The following ZNF257 variants were observed in gnomAD, a reference collection of about 807,000 sequenced individuals.
ZNF257 encodes the protein zinc finger protein 257, also known as bone marrow zinc finger 4.
A neutral mutation model predicts 11.9 loss-of-function variants in ZNF257; 12 were observed. The ratio of observed to expected loss-of-function variants is 1.01; its 90% CI spans 0.65 to 1.63. The LOEUF is 1.63. ZNF257 is among the 40% of genes most tolerant of loss of function. The pLI, the probability that ZNF257 is intolerant of heterozygous loss-of-function variation, is 0.00. For missense variants in ZNF257, 580 were observed against 665.5 expected, an observed-to-expected ratio of 0.87 and a Z score of 1.41; for synonymous variants, 183 against 222.7, an observed-to-expected ratio of 0.82 and a Z score of 1.59.
At chr19:22,064,287 A>G (rs2021885314) in intron 1 of ZNF257, 1 of 152,210 alleles carries the variant, frequency 6.6e-6, no homozygotes, top group Non-Finnish European at 1.5e-5. Context: ...TGATATGTAC[A>G]TTTATCTTTG....
At chr19:22,072,469 A>T (rs959372703) in intron 1 of ZNF257, among the ~76,000 whole-genome samples, 2 of 151,806 alleles carry the variant, frequency 1.3e-5, no homozygotes, top group Non-Finnish European at 2.9e-5. Flanking sequence ...TTACTGGTGA[A>T]CTTGTTAGAA....
intron 1 of ZNF257, among the ~76,000 whole-genome samples, chr19:22,053,781 G>A (rs927857532): frequency 2.0e-5 from 3 of 151,786 alleles, no homozygotes; most frequent in Admixed American, 6.6e-5. Context: ...CAAAATTAGC[G>A]GGGCGTGGTA....
At chr19:22,062,193 T>C (rs997836691) in intron 1 of ZNF257, among the ~76,000 whole-genome samples, 57 of 150,272 alleles carry the variant, frequency 3.8e-4, no homozygotes, top group Non-Finnish European at 6.5e-4. Flanking sequence ...CCTGAGTAGC[T>C]AGGATTGCAG....
At chr19:22,062,049 T>A (rs1330882806) in intron 1 of ZNF257, among the ~76,000 whole-genome samples, 1 of 144,996 alleles carries the variant, frequency 6.9e-6, no homozygotes, top group Non-Finnish European at 1.5e-5. Flanking sequence ...GATTACACAG[T>A]ATTTTGCTGA....
In ZNF257 at chr19:22,088,471, T is replaced by G; in HGVS notation, c.721T>G (p.Ser241Ala). Residue 241 changes from serine (S) to alanine (A), a missense_variant, in exon 4 of 4, where the codon TCT becomes GCT. Coordinates refer to ENST00000594947, the MANE Select transcript of ZNF257 (RefSeq NM_033468.4). ...AGAGTGTGGAAAAGCTTTTAACCGG[T>G]CTTCACACCTTACTCAACATAAGGT... ...CEECGKAFNRSSHLTQHKVIH... is the reference protein window; with the variant it reads ...CEECGKAFNRASHLTQHKVIH... The G allele has an allele frequency of 6.2e-7, 1 of 1,611,830 alleles. No individual in the cohort carries two copies. Among genetic ancestry groups the G allele is most frequent in the Non-Finnish European group, 8.5e-7 (1 of 1,179,118 alleles).
chr19:22,061,300 G>C (rs952457933), intron 1 of ZNF257, among the ~76,000 whole-genome samples: 1 of 152,070 alleles, frequency 6.6e-6, no homozygotes, highest in Non-Finnish European at 1.5e-5. Context: ...ACTTATTTAA[G>C]CAATGTTTTT....
chr19:22,059,668 CGTA>C (rs2021741950), intron 1 of ZNF257, among the ~76,000 whole-genome samples: 1 of 146,466 alleles, frequency 6.8e-6, no homozygotes, highest in Non-Finnish European at 1.5e-5. Context: ...TTAATGGCCA[CGTA>C]GTATTCCATG....
chr19:22,084,510 A>AT (rs942663039), intron 3 of ZNF257, among the ~76,000 whole-genome samples: 1 of 151,244 alleles, frequency 6.6e-6, no homozygotes, highest in African/African-American at 2.4e-5. Flanking sequence ...TGTTATTGCT[A>AT]TTTTTTCAAA....
chr19:22,075,488 G>A (rs1599668834), intron 3 of ZNF257: 2 of 152,368 alleles, frequency 1.3e-5, no homozygotes, highest in East Asian at 3.9e-4. Context: ...GTAAACGGGT[G>A]TCTTCCTCCA....
chr19:22,063,393 T>C (rs182705295), intron 1 of ZNF257, among the ~76,000 whole-genome samples: 72 of 152,328 alleles, frequency 4.7e-4, no homozygotes, highest in African/African-American at 1.6e-3. Context: ...TTTTGCATTC[T>C]GCTAGCTTAG....
intron 1 of ZNF257, among the ~76,000 whole-genome samples, chr19:22,061,158 A>C (rs2021785959): frequency 2.0e-5 from 3 of 151,632 alleles, no homozygotes; most frequent in Non-Finnish European, 4.4e-5. Flanking sequence ...GGTTCTGTTA[A>C]GAATGTTTTT....
intron 3 of ZNF257, among the ~76,000 whole-genome samples, chr19:22,080,037 T>C (rs1212232255): frequency 6.6e-6 from 1 of 152,120 alleles, no homozygotes; most frequent in African/African-American, 2.4e-5. Flanking sequence ...TGGAGTGCAG[T>C]GGCATGATTT....
intron 1 of ZNF257, among the ~76,000 whole-genome samples, chr19:22,058,135 A>T (rs1027569596): frequency 6.6e-6 from 1 of 152,154 alleles, no homozygotes; most frequent in Non-Finnish European, 1.5e-5. Flanking sequence ...GATGGGCAAA[A>T]AAAAGAGCCC....
intron 3 of ZNF257, chr19:22,074,229 T>A (rs1043143534): frequency 4.6e-5 from 7 of 152,082 alleles, no homozygotes; most frequent in Non-Finnish European, 1.0e-4. Context: ...TTTCAACTCA[T>A]AGACATGAAA....
chr19:22,071,652 AAT>A (rs889983510), intron 1 of ZNF257, among the ~76,000 whole-genome samples: 1 of 152,044 alleles, frequency 6.6e-6, no homozygotes. Context: ...GTCTCTGAAA[AAT>A]ATGTTTTTTC....
chr19:22,058,803 C>T (rs905881153), intron 1 of ZNF257, among the ~76,000 whole-genome samples: 2 of 152,150 alleles, frequency 1.3e-5, no homozygotes, highest in African/African-American at 4.8e-5. Context: ...GATTTCTACC[C>T]AGTCACAAAG....
At chr19:22,055,943 T>C (rs1005871815) in intron 1 of ZNF257, among the ~76,000 whole-genome samples, 3 of 151,168 alleles carry the variant, frequency 2.0e-5, no homozygotes, top group Non-Finnish European at 4.4e-5. Flanking sequence ...TAGTCCCAGC[T>C]ACTCGGGAGG....
intron 1 of ZNF257, among the ~76,000 whole-genome samples, chr19:22,062,484 CTTTT>C (rs34616431): frequency 7.3e-6 from 1 of 136,536 alleles, no homozygotes; most frequent in African/African-American, 2.8e-5. Context: ...TTCTTTCTTT[CTTTT>C]TTTTTTTTTT....
At chr19:22,061,966 C>T (rs2021806116) in intron 1 of ZNF257, among the ~76,000 whole-genome samples, 6 of 151,470 alleles carry the variant, frequency 4.0e-5, no homozygotes. Flanking sequence ...ATGAACCAAT[C>T]TTACATCCCA....
Sources: allele counts gnomAD v4.1 joint callset (sites outside exome capture counted in the v4.1 genomes callset), GRCh38; gene constraint gnomAD v4.1.1; transcripts MANE v1.5; gene names NCBI Gene and HGNC (gene_info 2026-07-23, HGNC 2026-07-21).